The following CALN1 variants were observed in gnomAD, a reference collection of about 807,000 sequenced individuals.
The protein encoded by CALN1 is calneuron 1.
A neutral mutation model predicts 30.6 loss-of-function variants in CALN1; 17 were observed. The observed-to-expected ratio is 0.56, with a 90% CI of 0.38 to 0.83. CALN1 has a LOEUF of 0.83. Among genes scored for constraint, CALN1 ranks in the 40% least tolerant of loss-of-function variants. The pLI is 0.00. For synonymous variants in CALN1, 156 were observed against 131.4 expected (o/e 1.19, Z -1.28); for missense variants, 291 against 354.9 (o/e 0.82, Z 1.45).
At chr7:72,399,475 T>TG (rs1393716605) in intron 2 of CALN1, among the ~76,000 whole-genome samples, 1 of 152,006 alleles carries the variant, frequency 6.6e-6, no homozygotes, top group African/African-American at 2.4e-5. Context: ...TTCACCATGT[T>TG]GGCCAAGATG....
chr7:72,397,714 TCACACACACACACA>T (rs3138810), intron 2 of CALN1, among the ~76,000 whole-genome samples: 23 of 142,910 alleles, frequency 1.6e-4, no homozygotes, highest in Admixed American at 7.7e-4. Context: ...CCATTCTCTC[TCACACACACACACA>T]CACACACACA....
chr7:72,297,741 A>C (rs1798966128), intron 2 of CALN1, among the ~76,000 whole-genome samples: 1 of 152,262 alleles, frequency 6.6e-6, no homozygotes, highest in Admixed American at 6.5e-5. Context: ...TGTCATTGGC[A>C]GTATTTACGA....
At chr7:72,491,104 C>T in the CALN1 span, among the ~76,000 whole-genome samples, 7 of 151,962 alleles carry the variant, frequency 4.6e-5, no homozygotes, top group African/African-American at 7.2e-5. Context: ...AATAGCCAGG[C>T]GTGGTGGCAG....
intron 1 of CALN1, 85 bp from the exon 2 acceptor site, chr7:72,403,527 C>T (rs1806491614): frequency 9.1e-6 from 5 of 551,422 alleles, no homozygotes; most frequent in Non-Finnish European, 1.6e-5. Context: ...TAATTCACAC[C>T]CTCCCTTCCG....
chr7:72,381,138 G>A (rs903927725), intron 2 of CALN1, among the ~76,000 whole-genome samples: 7 of 152,288 alleles, frequency 4.6e-5, no homozygotes, highest in Admixed American at 1.3e-4. Flanking sequence ...AAAGCACAAA[G>A]ACATAAACAT....
chr7:72,336,716 C>T, intron 2 of CALN1: 1 of 985,284 alleles, frequency 1.0e-6, no homozygotes. Context: ...CTTGCTGGGC[C>T]GGGGCTCCGC....
intron 6 of CALN1, among the ~76,000 whole-genome samples, chr7:71,799,606 C>T (rs1294586091): frequency 1.3e-5 from 2 of 151,932 alleles, no homozygotes; most frequent in African/African-American, 4.8e-5. Flanking sequence ...GCTGCGATTA[C>T]AGGTGCCCGC....
At chr7:72,453,419 G>A in the CALN1 span, among the ~76,000 whole-genome samples, 91 of 152,310 alleles carry the variant, frequency 6.0e-4, no homozygotes, top group Non-Finnish European at 1.1e-3. Context: ...AGTAACTTCC[G>A]GGTCATTGCC....
chr7:72,076,893 TTCTC>T (rs1024652086), intron 4 of CALN1, among the ~76,000 whole-genome samples: 57 of 152,294 alleles, frequency 3.7e-4, no homozygotes, highest in African/African-American at 1.2e-3. Context: ...CCAGTATCCT[TTCTC>T]TCTCTTTTAT....
At chr7:72,067,804 A>G (rs1159713371) in intron 4 of CALN1, among the ~76,000 whole-genome samples, 1 of 134,214 alleles carries the variant, frequency 7.5e-6, no homozygotes, top group Non-Finnish European at 1.8e-5. Flanking sequence ...GCAAGGGCTG[A>G]CCTCAGACCA....
chr7:71,860,828 T>A (rs933011809), intron 5 of CALN1, among the ~76,000 whole-genome samples: 1 of 152,042 alleles, frequency 6.6e-6, no homozygotes, highest in South Asian at 2.1e-4. Context: ...CCAGGGATGA[T>A]TAATGCCTGA....
chr7:72,064,292 A>T (rs947818099), intron 4 of CALN1, among the ~76,000 whole-genome samples: 4 of 151,966 alleles, frequency 2.6e-5, no homozygotes, highest in Non-Finnish European at 1.5e-5. Flanking sequence ...AAAAAAAAAA[A>T]AAATAATTAA....
chr7:72,233,931 G>A (rs547235006), intron 3 of CALN1, among the ~76,000 whole-genome samples: 2 of 152,196 alleles, frequency 1.3e-5, no homozygotes, highest in East Asian at 3.9e-4. Context: ...TTGAGCCTGG[G>A]AGACAGAGGT....
At chr7:72,322,899 C>T (rs1360504764) in intron 2 of CALN1, among the ~76,000 whole-genome samples, 1 of 149,156 alleles carries the variant, frequency 6.7e-6, no homozygotes, top group Non-Finnish European at 1.5e-5. Context: ...ATGCCTGTAT[C>T]AAAATATCTC....
chr7:71,798,529 C>G (rs1374340564), intron 6 of CALN1, among the ~76,000 whole-genome samples: 1 of 151,898 alleles, frequency 6.6e-6, no homozygotes. Flanking sequence ...TGGTCTCGAA[C>G]TCCTGGGCTC....
At chr7:72,392,466 G>A (rs1031263976) in intron 2 of CALN1, among the ~76,000 whole-genome samples, 5 of 152,162 alleles carry the variant, frequency 3.3e-5, no homozygotes, top group African/African-American at 1.2e-4. Context: ...CGGTGCTGAT[G>A]GGAGAGACTG....
chr7:72,282,914 CATG>C (rs540201284), intron 2 of CALN1, among the ~76,000 whole-genome samples: 53 of 152,136 alleles, frequency 3.5e-4, no homozygotes, highest in African/African-American at 1.3e-3. Flanking sequence ...ATTAGCCAGG[CATG>C]GTGGTGGGTG....
chr7:72,053,496 G>A lies in CALN1; in HGVS notation c.389-29727C>T, dbSNP rs181902275. Among the ~76,000 whole-genome samples, 43 of 152,160 alleles carry A rather than the reference G, an allele frequency of 2.8e-4. 1 individual carries two copies. The East Asian group carries it at 6.4e-3, about 23-fold the overall frequency. ...TTGAGGAATCGCCACACTGCCTTTC[G>A]CAAGGGCTGAACTGATTTACACTCC... On this transcript the variant is annotated intron_variant, in intron 4 of 6. Transcript: ENST00000395275.
intron 3 of CALN1, among the ~76,000 whole-genome samples, chr7:72,203,444 C>G (rs967211562): frequency 6.6e-6 from 1 of 152,054 alleles, no homozygotes; most frequent in Non-Finnish European, 1.5e-5. Flanking sequence ...AATTTAGTTC[C>G]CAAACTCCGG....
Sources: allele counts gnomAD v4.1 joint callset (sites outside exome capture counted in the v4.1 genomes callset), GRCh38; gene constraint gnomAD v4.1.1; transcripts MANE v1.5; gene names NCBI Gene and HGNC (gene_info 2026-07-23, HGNC 2026-07-21).